The following TRIO variants were observed in gnomAD, a reference collection of about 807,000 sequenced individuals.
TRIO encodes triple functional domain protein.
In TRIO, 58 loss-of-function variants were observed where a neutral mutation model predicts 351.9. The observed-to-expected ratio is 0.16, with a 90% confidence interval of 0.13 to 0.21. The LOEUF (loss-of-function observed/expected upper bound fraction) is 0.21, where lower values mean the gene tolerates loss of function less well. Among genes scored for constraint, TRIO ranks in the 10% least tolerant of loss-of-function variants. The probability of loss-of-function intolerance (pLI) is 1.00; values close to 1 mark genes in which losing one functional copy is unlikely to be tolerated. For missense variants in TRIO, 3,201 were observed against 4,027.8 expected (o/e 0.79, Z 5.56); for synonymous variants, 1,758 against 1,595.7 (o/e 1.10, Z -2.42).
intron 1 of TRIO, among the ~76,000 whole-genome samples, chr5:14,253,109 ACT>A (rs1347189050): frequency 1.3e-5 from 2 of 152,322 alleles, no homozygotes; most frequent in East Asian, 3.9e-4. Flanking sequence ...GTCAAGACAA[ACT>A]CTGCTCAAGA....
Position 14,482,645 on chromosome 5 carries a change from G to A in TRIO, c.6529G>A (p.Ala2177Thr), listed in dbSNP as rs1162182542. ...QDTFLVTDQD[A>T]GLLPRCRERR... ...CACATTCTTGGTCACAGACCAAGATGCAGGACTTCTGCCTCGCTGCAGAGA... is the reference window on the plus strand; with the variant it reads ...CACATTCTTGGTCACAGACCAAGATACAGGACTTCTGCCTCGCTGCAGAGA... The change falls in exon 46 of 57, where the codon GCA becomes ACA. Residue 2177 changes from alanine (A) to threonine (T), a missense_variant. Transcript: ENST00000344204. 1 of 1,605,652 alleles carries A rather than the reference G, an allele frequency of 6.2e-7. No homozygotes were observed. Among genetic ancestry groups the A allele is most frequent in the Non-Finnish European group, 8.5e-7 (1 of 1,174,636 alleles).
At chr5:14,459,520 G>C (rs1753611797) in intron 34 of TRIO, among the ~76,000 whole-genome samples, 1 of 152,206 alleles carries the variant, frequency 6.6e-6, no homozygotes, top group South Asian at 2.1e-4. Flanking sequence ...TTGTACAGTA[G>C]ACGTCACACA....
At chr5:14,290,336 T>C (rs1736797844) in intron 4 of TRIO, among the ~76,000 whole-genome samples, 1 of 152,272 alleles carries the variant, frequency 6.6e-6, no homozygotes, top group South Asian at 2.1e-4. Flanking sequence ...TGCATTGATG[T>C]AAGTGAAATT....
chr5:14,358,081 T>A, intron 11 of TRIO, 97 bp from the exon 12 acceptor site: 1 of 1,433,812 alleles, frequency 7.0e-7, no homozygotes, highest in African/African-American at 1.4e-5. Context: ...CCAGGGCAAG[T>A]CACACACCGT....
chr5:14,162,247 C>T (rs1282160576), intron 1 of TRIO, among the ~76,000 whole-genome samples: 1 of 152,160 alleles, frequency 6.6e-6, no homozygotes, highest in East Asian at 1.9e-4. Flanking sequence ...GGAGGAGCTT[C>T]CTGCTCTGTG....
At chr5:14,367,709 C>A (rs144002476) in intron 16 of TRIO, among the ~76,000 whole-genome samples, 1 of 152,196 alleles carries the variant, frequency 6.6e-6, no homozygotes, top group Non-Finnish European at 1.5e-5. Flanking sequence ...ATGTTATCTC[C>A]TGCTCTGCTC....
Position 14,508,366 on chromosome 5 carries a change from C to T in TRIO, c.9238C>T (p.Arg3080Ter). Residue 3080 changes from arginine (R) to a stop codon, truncating the protein, a stop_gained, in exon 57 of 57, where the codon CGA (arginine) becomes TGA (stop). Coordinates refer to ENST00000344204, the MANE Select transcript of TRIO (RefSeq NM_007118.4). LOFTEE classifies it high-confidence loss of function. ...IERRKHQNDV[R>*]PIRSIKNFLQ... Reference sequence around the variant, plus strand: ...GCGGCGCAAACACCAGAATGATGTTCGACCTATCCGTAGCATTAAAAACTT... The same window carrying T: ...GCGGCGCAAACACCAGAATGATGTTTGACCTATCCGTAGCATTAAAAACTT... The T allele has an allele frequency of 6.2e-7, 1 of 1,613,950 alleles. No individual in the cohort carries two copies. The highest frequency in any genetic ancestry group is 8.5e-7 in the Non-Finnish European group (1 of 1,180,024).
chr5:14,210,076 G>T lies in TRIO; in HGVS notation c.158-60749G>T, dbSNP rs557270040. The stretch of plus-strand genomic sequence containing the variant: ...GAGCCCAGCTGGGGCCACAACTAGG[G>T]CAGCGAGTGCAGGGTATGGCGCCCC... On this transcript the variant is annotated intron_variant, in intron 1 of 56. Coordinates refer to ENST00000344204, the MANE Select transcript of TRIO (RefSeq NM_007118.4). Among the ~76,000 whole-genome samples the T allele has an allele frequency of 2.0e-5, 3 of 152,356 alleles. No individual in the cohort carries two copies. The South Asian group carries it at 6.2e-4, about 32-fold the overall frequency.
At chr5:14,156,704 G>A (rs1788121312) in intron 1 of TRIO, among the ~76,000 whole-genome samples, 1 of 152,190 alleles carries the variant, frequency 6.6e-6, no homozygotes, top group Non-Finnish European at 1.5e-5. Flanking sequence ...CCACACCACG[G>A]TGATAAATGA....
In TRIO at chr5:14,493,874, A is replaced by C. The variant is rs191497008; in HGVS notation, c.7880+1060A>C. ...CAAAACAGCCTTTGCTGAGACAGAG[A>C]AAGTTTGAGTGGTCTGGATAGAAGA... is the stretch of plus-strand genomic sequence containing the variant. On this transcript the variant is annotated intron_variant, in intron 49 of 56. Coordinates refer to ENST00000344204, the MANE Select transcript of TRIO (RefSeq NM_007118.4). Among the ~76,000 whole-genome samples, 97 of 152,390 alleles carry C rather than the reference A, an allele frequency of 6.4e-4. 1 individual carries two copies. Among genetic ancestry groups the C allele is most frequent in the African/African-American group, 2.2e-3 (93 of 41,592 alleles).
chr5:14,186,978 T>C (rs1045231832), intron 1 of TRIO, among the ~76,000 whole-genome samples: 2 of 152,222 alleles, frequency 1.3e-5, no homozygotes, highest in African/African-American at 4.8e-5. Flanking sequence ...GATAACGTTA[T>C]ATTAATGTTT....
chr5:14,390,741 A>G (rs887203780), intron 26 of TRIO, among the ~76,000 whole-genome samples, 160 bp from the exon 27 acceptor site: 1 of 152,212 alleles, frequency 6.6e-6, no homozygotes, highest in Non-Finnish European at 1.5e-5. Context: ...TGCTGTCAGA[A>G]CGATGTGTTT....
chr5:14,456,997 G>A (rs1041319362), intron 34 of TRIO, among the ~76,000 whole-genome samples: 4 of 152,080 alleles, frequency 2.6e-5, no homozygotes, highest in Admixed American at 1.3e-4. Flanking sequence ...ATTGATTTAG[G>A]CCAAAGGAAT....
chr5:14,449,791 C>T (rs77422847), intron 34 of TRIO, among the ~76,000 whole-genome samples: 41 of 152,310 alleles, frequency 2.7e-4, no homozygotes, highest in African/African-American at 9.9e-4. Flanking sequence ...AGGTGTTTTA[C>T]ACTTTCACTT....
At chr5:14,148,395 T>G (rs1346199515) in intron 1 of TRIO, among the ~76,000 whole-genome samples, 1 of 152,188 alleles carries the variant, frequency 6.6e-6, no homozygotes, top group African/African-American at 2.4e-5. Flanking sequence ...CTTTGTTTAT[T>G]TACTTGACTA....
intron 11 of TRIO, among the ~76,000 whole-genome samples, chr5:14,341,647 A>G (rs980051961): frequency 1.3e-5 from 2 of 152,234 alleles, no homozygotes; most frequent in Non-Finnish European, 2.9e-5. Context: ...ATTCATATTC[A>G]TTCAACTTCA....
chr5:14,304,520 G>C lies in TRIO; in HGVS notation c.1428G>C (p.Glu476Asp). Residue 476 changes from glutamate (E) to aspartate (D), a missense_variant, in exon 8 of 57, where the codon GAG (glutamate) becomes GAC (aspartate). Transcript: ENST00000344204. Reference sequence around the variant, plus strand: ...GCGGTGAGGTAGACCTTCCCTCAGAGCTGCAGGACCTAGAAGATGCCATTC... The same window carrying C: ...GCGGTGAGGTAGACCTTCCCTCAGACCTGCAGGACCTAGAAGATGCCATTC... ...KACGEVDLPS[E>D]LQDLEDAIHH... The C allele has an allele frequency of 1.9e-6, 3 of 1,614,156 alleles. No homozygotes were observed. Among genetic ancestry groups the C allele is most frequent in the Non-Finnish European group, 2.5e-6 (3 of 1,180,006 alleles).
chr5:14,502,529 C>A lies in TRIO; in HGVS notation c.8333-50C>A. On this transcript the variant is annotated intron_variant, in intron 53 of 56. Transcript: ENST00000344204. ...AGTGCGTGGCGATAGCCTTCTTACC[C>A]AAGAAGCTCCACGGGAAACAAGCTC... is the stretch of plus-strand genomic sequence containing the variant. 5.6e-6 allele frequency: 9 copies of A among 1,597,678 alleles called. No individual in the cohort carries two copies. In the South Asian group the frequency reaches 9.9e-5, roughly 18 times the overall value.
At chr5:14,375,420 T>G (rs1415508578) in intron 19 of TRIO, among the ~76,000 whole-genome samples, 2 of 152,268 alleles carry the variant, frequency 1.3e-5, no homozygotes, top group Non-Finnish European at 2.9e-5. Flanking sequence ...ACACACGTTT[T>G]TGTGTGAGAG....
Sources: allele counts gnomAD v4.1 joint callset (sites outside exome capture counted in the v4.1 genomes callset), GRCh38; gene constraint gnomAD v4.1.1; transcripts MANE v1.5; gene names NCBI Gene and HGNC (gene_info 2026-07-23, HGNC 2026-07-21).